The following SLC35F2 variants were observed in gnomAD, a reference collection of about 807,000 sequenced individuals.
SLC35F2 encodes the protein solute carrier family 35 member F2, also known as queuine/queuosine transporter SLC35F2.
A neutral mutation model predicts 38.1 loss-of-function variants in SLC35F2; 25 were observed. The ratio of observed to expected loss-of-function variants is 0.66; its 90% confidence interval spans 0.48 to 0.92. The LOEUF (loss-of-function observed/expected upper bound fraction) is 0.92, where lower values mean the gene tolerates loss of function less well. Among genes scored for constraint, SLC35F2 ranks in the 40% least tolerant of loss-of-function variants. The pLI is 0.00. For synonymous variants in SLC35F2, 173 were observed against 181.7 expected (o/e 0.95, Z 0.38); for missense variants, 409 against 452.9 (o/e 0.90, Z 0.88).
chr11:107,820,456 G>A (rs1290481666), intron 1 of SLC35F2, among the ~76,000 whole-genome samples: 1 of 151,974 alleles, frequency 6.6e-6, no homozygotes, highest in Non-Finnish European at 1.5e-5. Flanking sequence ...GATCACACAG[G>A]AGCAGTGTTA....
chr11:107,802,867 G>A (rs1859332800), intron 7 of SLC35F2, 134 bp downstream of exon 7: 12 of 822,892 alleles, frequency 1.5e-5, no homozygotes, highest in Non-Finnish European at 2.2e-5. Context: ...AAGCAGCAAA[G>A]GGAGGCCTGA....
At chr11:107,845,950 CATAA>C (rs57548679) in intron 1 of SLC35F2, among the ~76,000 whole-genome samples, 1,537 of 142,902 alleles carry the variant, frequency 0.011, 21 homozygotes, top group African/African-American at 0.035. Flanking sequence ...GAGATTCTGT[CATAA>C]ATAAATAAAT....
chr11:107,838,012 A>G (rs953129420), intron 1 of SLC35F2, among the ~76,000 whole-genome samples: 2 of 151,354 alleles, frequency 1.3e-5, no homozygotes, highest in Non-Finnish European at 2.9e-5. Context: ...ACCAAGCGCT[A>G]ATTGATTTAA....
At chr11:107,828,574 T>C (rs1036588659) in intron 1 of SLC35F2, among the ~76,000 whole-genome samples, 10 of 152,302 alleles carry the variant, frequency 6.6e-5, no homozygotes, top group South Asian at 2.1e-4. Flanking sequence ...GCCCTTCTTA[T>C]ACAAATTATA....
intron 7 of SLC35F2, among the ~76,000 whole-genome samples, chr11:107,799,063 G>A (rs1218250676): frequency 1.3e-5 from 2 of 152,152 alleles, no homozygotes; most frequent in Admixed American, 6.6e-5. Context: ...GTGACAGAGC[G>A]AGACTCTGTC....
rs191878477 is a variant in SLC35F2, at chr11:107,821,344, G to A, written c.111-5379C>T. On this transcript the variant is annotated intron_variant, in intron 1 of 7. Coordinates refer to ENST00000525815, the MANE Select transcript of SLC35F2 (RefSeq NM_017515.5). ...GTAAAACTATCTTCTAAAAAAAGGA[G>A]AGTCACAAATTGAGTATGGAGATTT... The A allele has an allele frequency of 1.2e-3, 1,118 of 918,106 alleles. 2 individuals carry two copies. The highest frequency in any genetic ancestry group is 3.2e-3 in the South Asian group (63 of 19,906). The allele number at this position is 918,106 out of a possible 1,614,324, so 56.9% of individuals were successfully genotyped here.
intron 1 of SLC35F2, among the ~76,000 whole-genome samples, chr11:107,824,181 T>C (rs1482790500): frequency 2.0e-5 from 3 of 152,184 alleles, no homozygotes; most frequent in Non-Finnish European, 4.4e-5. Flanking sequence ...GATAGTGTAT[T>C]GGTGTATATG....
intron 1 of SLC35F2, among the ~76,000 whole-genome samples, chr11:107,843,859 A>AT (rs1860053596): frequency 2.6e-5 from 1 of 38,798 alleles, no homozygotes; most frequent in Admixed American, 3.6e-4. Context: ...AAAAAAAAAA[A>AT]AAAAAAAAAA....
intron 1 of SLC35F2, among the ~76,000 whole-genome samples, chr11:107,817,695 TTCTA>T (rs540264060): frequency 1.2e-4 from 19 of 152,142 alleles, no homozygotes; most frequent in East Asian, 3.8e-4. Context: ...TTACTATTTC[TTCTA>T]TCTAACACAC....
chr11:107,806,092 G>C lies in SLC35F2; in HGVS notation c.575-577C>G, dbSNP rs945015923. Among the ~76,000 whole-genome samples, 13 of 152,270 alleles carry C rather than the reference G, an allele frequency of 8.5e-5. 1 individual carries two copies. The South Asian group carries it at 2.3e-3, about 27-fold the overall frequency. Reference sequence around the variant, plus strand: ...GCCACCGCACCCAACCTGGTTACTAGAAGTTTAAAATCTCTTACTCTTCTC... The same window carrying C: ...GCCACCGCACCCAACCTGGTTACTACAAGTTTAAAATCTCTTACTCTTCTC... On this transcript the variant is annotated intron_variant, in intron 4 of 7. Transcript: ENST00000525815.
intron 1 of SLC35F2, among the ~76,000 whole-genome samples, chr11:107,818,867 G>A (rs1216408355): frequency 2.0e-5 from 3 of 152,000 alleles, no homozygotes; most frequent in African/African-American, 4.8e-5. Flanking sequence ...ATGGTGAGGC[G>A]TGGTGGCTCA....
intron 1 of SLC35F2, among the ~76,000 whole-genome samples, chr11:107,829,677 CAAAA>C (rs59625402): frequency 2.3e-5 from 2 of 87,312 alleles, no homozygotes. Flanking sequence ...TGAAATCTCA[CAAAA>C]AAAAAAAAAA....
intron 3 of SLC35F2, among the ~76,000 whole-genome samples, chr11:107,807,374 C>T (rs565683806): frequency 2.0e-5 from 3 of 151,466 alleles, no homozygotes; most frequent in Non-Finnish European, 2.9e-5. Context: ...CACTTGAGCC[C>T]GGAGTTCAAG....
chr11:107,828,335 G>A (rs1003343872), intron 1 of SLC35F2, among the ~76,000 whole-genome samples: 1 of 151,624 alleles, frequency 6.6e-6, no homozygotes. Context: ...TCAGGAGGCT[G>A]AGGCAGGAGA....
chr11:107,821,627 C>A (rs1030257216), intron 1 of SLC35F2: 10 of 985,040 alleles, frequency 1.0e-5, no homozygotes, highest in African/African-American at 1.7e-5. Flanking sequence ...AACAGAGGAA[C>A]CCTCTATACC....
intron 1 of SLC35F2, among the ~76,000 whole-genome samples, chr11:107,842,151 G>A (rs929565190): frequency 2.0e-4 from 29 of 148,474 alleles, no homozygotes; most frequent in Non-Finnish European, 2.8e-4. Context: ...TATAACCCCA[G>A]CTACTCAGGA....
chr11:107,812,359 G>T (rs1859496038), intron 2 of SLC35F2, among the ~76,000 whole-genome samples: 1 of 152,152 alleles, frequency 6.6e-6, no homozygotes, highest in Non-Finnish European at 1.5e-5. Context: ...CAGAATGAAA[G>T]TAAGAGAAAA....
In SLC35F2 at chr11:107,814,691, AG is replaced by A. The variant is rs367999967; in HGVS notation, c.286+1098del. Among the ~76,000 whole-genome samples the A allele has an allele frequency of 7.5e-3, 1,147 of 152,300 alleles. 14 individuals carry two copies. The highest frequency in any genetic ancestry group is 9.5e-3 in the Non-Finnish European group (648 of 68,012). ...AATAACAATGTATCTGGCTGGGCCC[AG>A]TGGCTCACACCTGTAATCTCAGCAC... On this transcript the variant is annotated intron_variant, in intron 2 of 7. Coordinates refer to ENST00000525815, the MANE Select transcript of SLC35F2 (RefSeq NM_017515.5).
intron 1 of SLC35F2, among the ~76,000 whole-genome samples, chr11:107,843,868 AATATATATATAT>A (rs1178673709): frequency 0.015 from 717 of 46,752 alleles, 16 homozygotes; most frequent in East Asian, 0.049. Context: ...AAAAAAAAAA[AATATATATATAT>A]ATATATATAT....
Sources: allele counts gnomAD v4.1 joint callset (sites outside exome capture counted in the v4.1 genomes callset), GRCh38; gene constraint gnomAD v4.1.1; transcripts MANE v1.5; gene names NCBI Gene and HGNC (gene_info 2026-07-23, HGNC 2026-07-21).